The following CCM2 variants were observed in gnomAD, a reference collection of about 807,000 sequenced individuals.
CCM2 encodes cerebral cavernous malformations 2 protein.
CCM2 carries 25 observed loss-of-function variants against 44.9 expected under a neutral mutation model. The observed-to-expected ratio is 0.56, with a 90% confidence interval of 0.41 to 0.78. The LOEUF is 0.78. Ranked by LOEUF, CCM2 falls within the 30% of genes least tolerant of loss-of-function variation. The probability of loss-of-function intolerance (pLI) is 0.00; values close to 1 mark genes in which losing one functional copy is unlikely to be tolerated. For synonymous variants in CCM2, 219 were observed against 241.1 expected (o/e 0.91, Z 0.85); for missense variants, 481 against 580.6 (o/e 0.83, Z 1.76).
intron 6 of CCM2, chr7:45,070,551 C>G (rs751648197): frequency 7.5e-4 from 308 of 408,622 alleles, no homozygotes; most frequent in Non-Finnish European, 1.4e-3. Flanking sequence ...ATTGAAAACA[C>G]TTCATCAGCA....
At chr7:45,062,668 C>T (rs964414087) in intron 2 of CCM2, among the ~76,000 whole-genome samples, 1 of 151,984 alleles carries the variant, frequency 6.6e-6, no homozygotes, top group Non-Finnish European at 1.5e-5. Flanking sequence ...AACCCTGTCT[C>T]TACAAAAATT....
intron 5 of CCM2, among the ~76,000 whole-genome samples, chr7:45,068,974 G>T (rs1294714481): frequency 6.6e-6 from 1 of 152,212 alleles, no homozygotes; most frequent in Non-Finnish European, 1.5e-5. Flanking sequence ...ACGCTGATGG[G>T]CGGGCAGCGG....
intron 2 of CCM2, among the ~76,000 whole-genome samples, chr7:45,046,470 A>G (rs183319603): frequency 2.8e-4 from 42 of 152,344 alleles, no homozygotes; most frequent in Non-Finnish European, 4.6e-4. Flanking sequence ...ATTCTTGACA[A>G]AGGTTCATAA....
chr7:45,001,742 T>TG (rs1241828188), intron 1 of CCM2, among the ~76,000 whole-genome samples: 1 of 152,054 alleles, frequency 6.6e-6, no homozygotes, highest in Non-Finnish European at 1.5e-5. Flanking sequence ...GGTAGAAACA[T>TG]GAAACACCCA....
chr7:45,054,405 G>C (rs1389873962), intron 2 of CCM2, among the ~76,000 whole-genome samples: 1 of 152,022 alleles, frequency 6.6e-6, no homozygotes, highest in Non-Finnish European at 1.5e-5. Flanking sequence ...TTCCCTGTTA[G>C]GGCCCAGACC....
At chr7:45,010,368 T>G (rs1404594170) in intron 1 of CCM2, among the ~76,000 whole-genome samples, 2 of 152,222 alleles carry the variant, frequency 1.3e-5, no homozygotes, top group Non-Finnish European at 2.9e-5. Context: ...AGTACTGTTC[T>G]GATTTTTTTC....
At chr7:45,048,990 C>CT (rs1338467332) in intron 2 of CCM2, among the ~76,000 whole-genome samples, 11 of 152,212 alleles carry the variant, frequency 7.2e-5, no homozygotes, top group African/African-American at 2.7e-4. Context: ...GGGTCTCACT[C>CT]TGTCACCCAG....
chr7:45,000,408 C>T (rs1469174337), intron 1 of CCM2, 45 bp downstream of exon 1: 2 of 831,232 alleles, frequency 2.4e-6, no homozygotes, highest in South Asian at 5.5e-5. Flanking sequence ...CGGCGGGCGG[C>T]TGGGTTGAGG....
intron 1 of CCM2, among the ~76,000 whole-genome samples, chr7:45,022,996 CTCCCAAAGTGCTG>C (rs1411477311): frequency 6.6e-6 from 1 of 152,080 alleles, no homozygotes; most frequent in Non-Finnish European, 1.5e-5. Flanking sequence ...CAGCCTCGGC[CTCCCAAAGTGCTG>C]GGATTACAGG....
At chr7:45,057,901 C>T (rs1329363148) in intron 2 of CCM2, among the ~76,000 whole-genome samples, 3 of 152,240 alleles carry the variant, frequency 2.0e-5, no homozygotes, top group Non-Finnish European at 4.4e-5. Flanking sequence ...CCAGCACACG[C>T]AATTCTGAAG....
At chr7:45,006,407 A>G (rs1968075) in intron 1 of CCM2, among the ~76,000 whole-genome samples, 131,506 of 151,750 alleles carry the variant, frequency 0.87, 57,291 homozygotes, top group African/African-American at 0.96. Context: ...GCAGTGGTGC[A>G]ATCTTGGCTC....
At chr7:45,049,693 T>A (rs1797912949) in intron 2 of CCM2, among the ~76,000 whole-genome samples, 1 of 152,220 alleles carries the variant, frequency 6.6e-6, no homozygotes, top group South Asian at 2.1e-4. Flanking sequence ...TTTCTAGATC[T>A]AAGGCTAGGT....
chr7:45,010,751 C>T (rs1281035094), intron 1 of CCM2, among the ~76,000 whole-genome samples: 1 of 152,106 alleles, frequency 6.6e-6, no homozygotes, highest in African/African-American at 2.4e-5. Flanking sequence ...GTGCCCGCCA[C>T]GATGCCTGGC....
At chr7:45,000,810 A>G (rs1583820990) in intron 1 of CCM2, among the ~76,000 whole-genome samples, 1 of 152,186 alleles carries the variant, frequency 6.6e-6, no homozygotes, top group Non-Finnish European at 1.5e-5. Flanking sequence ...GTCCACTATC[A>G]CTCAGACCTA....
chr7:45,014,390 C>T (rs763016728), intron 1 of CCM2, among the ~76,000 whole-genome samples: 4 of 152,160 alleles, frequency 2.6e-5, no homozygotes, highest in Non-Finnish European at 2.9e-5. Flanking sequence ...CCGCCCACCT[C>T]GGCCTCCCAA....
At chr7:45,073,881 C>T (rs964917140) in intron 8 of CCM2, 106 of 536,308 alleles carry the variant, frequency 2.0e-4, no homozygotes, top group Non-Finnish European at 3.3e-4. Context: ...CATTTTTATC[C>T]TCCCCATCTT....
At chr7:45,049,431 T>A (rs1490106883) in intron 2 of CCM2, among the ~76,000 whole-genome samples, 1 of 152,198 alleles carries the variant, frequency 6.6e-6, no homozygotes, top group Non-Finnish European at 1.5e-5. Context: ...CATGCATTTG[T>A]TTCCCAAATG....
intron 1 of CCM2, among the ~76,000 whole-genome samples, chr7:45,021,589 ATAAT>A (rs1034261225): frequency 2.0e-5 from 3 of 151,822 alleles, no homozygotes; most frequent in African/African-American, 7.2e-5. Flanking sequence ...AATAAAATAA[ATAAT>A]AAATAAATAA....
intron 1 of CCM2, among the ~76,000 whole-genome samples, chr7:45,023,687 G>A (rs1796569243): frequency 7.2e-6 from 1 of 139,092 alleles, no homozygotes; most frequent in Non-Finnish European, 1.5e-5. Flanking sequence ...ATGAGATTCA[G>A]TTTTATTATG....
Sources: gnomAD v4.1 joint callset for allele counts (sites outside exome capture counted in the v4.1 genomes callset) on GRCh38, gnomAD v4.1.1 for gene constraint, MANE v1.5 for transcripts, NCBI Gene and HGNC (gene_info 2026-07-23, HGNC 2026-07-21) for gene names.